RORA: variants seen among roughly 807,000 people sequenced by gnomAD.
RORA encodes the protein nuclear receptor ROR-alpha.
Under a neutral mutation model 69.5 loss-of-function variants are expected in RORA, and 7 were observed. The observed-to-expected ratio is 0.10, with a 90% CI of 0.06 to 0.19. RORA has a LOEUF of 0.19. Among genes scored for constraint, RORA ranks in the 10% least tolerant of loss-of-function variants. The probability of loss-of-function intolerance (pLI) is 1.00; values close to 1 mark genes in which losing one functional copy is unlikely to be tolerated. For synonymous variants in RORA, 261 were observed against 240.8 expected (o/e 1.08, Z -0.78); for missense variants, 457 against 663.0 (o/e 0.69, Z 3.41).
At chr15:60,729,279 C>T (rs561637024) in intron 1 of RORA, among the ~76,000 whole-genome samples, 366 of 152,260 alleles carry the variant, frequency 2.4e-3, no homozygotes, top group Non-Finnish European at 4.2e-3. Flanking sequence ...GAGGACAACA[C>T]ATTAACTGGA....
At chr15:60,602,763 C>T (rs952224243) in intron 2 of RORA, among the ~76,000 whole-genome samples, 6 of 152,178 alleles carry the variant, frequency 3.9e-5, no homozygotes, top group Non-Finnish European at 7.4e-5. Context: ...TTTCAGATCT[C>T]AGCTTTTTAA....
At chr15:61,141,345 A>G (rs2079296646) in intron 1 of RORA, among the ~76,000 whole-genome samples, 1 of 152,180 alleles carries the variant, frequency 6.6e-6, no homozygotes, top group Non-Finnish European at 1.5e-5. Flanking sequence ...ACAATTTGTG[A>G]CTGGAATGAT....
At chr15:60,652,033 A>G (rs1004935145) in intron 2 of RORA, among the ~76,000 whole-genome samples, 1 of 151,344 alleles carries the variant, frequency 6.6e-6, no homozygotes, top group African/African-American at 2.4e-5. Context: ...CCACTCACCA[A>G]TTCTCCCTTC....
intron 2 of RORA, among the ~76,000 whole-genome samples, chr15:60,567,934 G>A (rs1478948086): frequency 6.6e-6 from 1 of 152,296 alleles, no homozygotes; most frequent in East Asian, 1.9e-4. Context: ...AGGGGCCTAT[G>A]ATGAACAGAA....
At chr15:60,649,220 T>C (rs2070104051) in intron 2 of RORA, among the ~76,000 whole-genome samples, 1 of 151,084 alleles carries the variant, frequency 6.6e-6, no homozygotes, top group Non-Finnish European at 1.5e-5. Context: ...TGTCACTAAG[T>C]TGGTTTCCAG....
At chr15:60,631,790 G>T (rs2069742799) in intron 2 of RORA, among the ~76,000 whole-genome samples, 1 of 152,190 alleles carries the variant, frequency 6.6e-6, no homozygotes, top group African/African-American at 2.4e-5. Context: ...TCAGATCCTG[G>T]AGCTTCAGTG....
At chr15:60,707,028 T>C (rs2071072353) in intron 1 of RORA, among the ~76,000 whole-genome samples, 1 of 152,212 alleles carries the variant, frequency 6.6e-6, no homozygotes, top group Non-Finnish European at 1.5e-5. Flanking sequence ...ATGTCACTTG[T>C]TGTGCAAATG....
intron 1 of RORA, among the ~76,000 whole-genome samples, chr15:60,807,900 T>C (rs969278726): frequency 3.3e-5 from 5 of 152,162 alleles, no homozygotes; most frequent in African/African-American, 1.2e-4. Flanking sequence ...TGGATCCTCA[T>C]CTTTCACCTT....
At chr15:60,506,727 C>T (rs899438047) in intron 5 of RORA, among the ~76,000 whole-genome samples, 40 of 152,070 alleles carry the variant, frequency 2.6e-4, no homozygotes, top group African/African-American at 9.7e-4. Context: ...TGTTGGCTGT[C>T]TGTGATCCCA....
intron 1 of RORA, among the ~76,000 whole-genome samples, chr15:60,985,586 T>TTTTTTC (rs1894176343): frequency 7.1e-6 from 1 of 141,668 alleles, no homozygotes; most frequent in Non-Finnish European, 1.5e-5. Context: ...CATCCTCTTT[T>TTTTTTC]TTTTTTTTTT....
At chr15:60,928,619 A>G (rs1892284229) in intron 1 of RORA, among the ~76,000 whole-genome samples, 1 of 152,200 alleles carries the variant, frequency 6.6e-6, no homozygotes, top group Non-Finnish European at 1.5e-5. Context: ...CTTAGAACTG[A>G]AAAAGACTCT....
chr15:60,703,125 TAA>T (rs2071008650), intron 1 of RORA, among the ~76,000 whole-genome samples: 2 of 98,826 alleles, frequency 2.0e-5, no homozygotes, highest in South Asian at 6.8e-4. Flanking sequence ...TGCTTCAGAT[TAA>T]CACACACACA....
At chr15:60,861,625 A>T (rs1344332983) in intron 1 of RORA, among the ~76,000 whole-genome samples, 1 of 152,176 alleles carries the variant, frequency 6.6e-6, no homozygotes. Context: ...AGTACCTGAG[A>T]CTACAGGTGC....
chr15:61,088,438 A>G (rs958084305), intron 1 of RORA, among the ~76,000 whole-genome samples: 7 of 152,180 alleles, frequency 4.6e-5, no homozygotes, highest in Non-Finnish European at 7.4e-5. Context: ...CAGAATGCAC[A>G]TGTAGTTTGG....
intron 1 of RORA, among the ~76,000 whole-genome samples, chr15:60,725,152 T>C (rs918220368): frequency 4.6e-5 from 7 of 152,218 alleles, no homozygotes; most frequent in African/African-American, 1.2e-4. Context: ...ACATTCAGAA[T>C]TGGAATGGAC....
rs534444921 is a variant in RORA, at chr15:60,589,523, C to T, written c.197-57672G>A. Among the ~76,000 whole-genome samples the T allele has an allele frequency of 5.9e-5, 9 of 152,332 alleles. No homozygotes were observed. In the South Asian group the frequency reaches 1.9e-3, roughly 32 times the overall value. On this transcript the variant is annotated intron_variant, in intron 2 of 10. Coordinates refer to ENST00000335670, the MANE Select transcript of RORA (RefSeq NM_134261.3). Reference sequence around the variant, plus strand: ...CTGGCCAATGCACTTTTATGATGAGCAGAACAAGTGCTCCCCCGATTATAA... The same window carrying T: ...CTGGCCAATGCACTTTTATGATGAGTAGAACAAGTGCTCCCCCGATTATAA...
At chr15:61,058,621 A>T (rs190581990) in intron 1 of RORA, among the ~76,000 whole-genome samples, 341 of 152,312 alleles carry the variant, frequency 2.2e-3, no homozygotes, top group Non-Finnish European at 4.1e-3. Flanking sequence ...AAAATTGCTG[A>T]TAACTAAGCC....
chr15:60,860,467 C>G (rs1047597635), intron 1 of RORA, among the ~76,000 whole-genome samples: 1 of 152,164 alleles, frequency 6.6e-6, no homozygotes, highest in Non-Finnish European at 1.5e-5. Flanking sequence ...TTTGACCCAA[C>G]GTTTAGCATA....
intron 7 of RORA, 95 bp downstream of exon 7, chr15:60,503,440 A>G (rs2141275879): frequency 7.9e-7 from 1 of 1,272,224 alleles, no homozygotes; most frequent in Non-Finnish European, 1.1e-6. Context: ...TTGGAGAAAA[A>G]CTGTTCCCGA....
Sources: allele counts gnomAD v4.1 joint callset (sites outside exome capture counted in the v4.1 genomes callset), GRCh38; gene constraint gnomAD v4.1.1; transcripts MANE v1.5; gene names NCBI Gene and HGNC (gene_info 2026-07-23, HGNC 2026-07-21).